Variants in SCN11A observed in about 807,000 individuals in gnomAD.
SCN11A encodes the protein sodium channel protein type 11 subunit alpha.
A neutral mutation model predicts 162.2 loss-of-function variants in SCN11A; 122 were observed. That is an observed-to-expected ratio of 0.75 (90% CI 0.65 to 0.87). SCN11A has a LOEUF of 0.87. SCN11A is among the 40% of genes least tolerant of loss of function. SCN11A has a pLI of 0.00. For synonymous variants in SCN11A, 758 were observed against 751.5 expected, an observed-to-expected ratio of 1.01 and a Z score of -0.14; for missense variants, 2,015 against 2,181.6, an observed-to-expected ratio of 0.92 and a Z score of 1.52.
At chr3:38,876,999 G>T (rs114422568) in intron 23 of SCN11A, among the ~76,000 whole-genome samples, 4,437 of 147,850 alleles carry the variant, frequency 0.03, 202 homozygotes, top group African/African-American at 0.091. Flanking sequence ...TATATATATA[G>T]AGAGAGAAAG....
At chr3:38,880,574 C>T (rs2065292480) in intron 22 of SCN11A, among the ~76,000 whole-genome samples, 1 of 152,102 alleles carries the variant, frequency 6.6e-6, no homozygotes, top group South Asian at 2.1e-4. Context: ...AGTGCCTTAG[C>T]CCGTTCTCTA....
intron 2 of SCN11A, among the ~76,000 whole-genome samples, chr3:38,993,650 T>A (rs1360755698): frequency 6.6e-6 from 1 of 152,156 alleles, no homozygotes; most frequent in Non-Finnish European, 1.5e-5. Context: ...AATCTACACA[T>A]TCAAAGAAAG....
At chr3:38,971,835 A>G (rs185619871) in intron 2 of SCN11A, among the ~76,000 whole-genome samples, 1 of 152,308 alleles carries the variant, frequency 6.6e-6, no homozygotes. Flanking sequence ...TCATGCTTAT[A>G]AAGTAATATT....
chr3:38,870,688 C>T lies in SCN11A; in HGVS notation c.3813+3G>A. 1 of 1,612,722 alleles carries T rather than the reference C, an allele frequency of 6.2e-7. No individual in the cohort carries two copies. The highest frequency in any genetic ancestry group is 8.5e-7 in the Non-Finnish European group (1 of 1,178,810). On this transcript the variant is annotated splice_donor_region_variant and intron_variant, in intron 26 of 29. Transcript: ENST00000302328. Reference sequence around the variant, plus strand: ...TCCAGAACATGGTAGAACACTGACTCACCTCTGTGGAATCAACAGCTGCAT... The same window carrying T: ...TCCAGAACATGGTAGAACACTGACTTACCTCTGTGGAATCAACAGCTGCAT...
intron 6 of SCN11A, 77 bp downstream of exon 6, chr3:38,946,712 C>A (rs1414199847): frequency 2.2e-6 from 2 of 909,182 alleles, no homozygotes; most frequent in Non-Finnish European, 3.5e-6. Context: ...TTGCTTCCAT[C>A]CAATAACATG....
At chr3:38,869,318 G>T (rs2065088949) in intron 26 of SCN11A, among the ~76,000 whole-genome samples, 1 of 152,020 alleles carries the variant, frequency 6.6e-6, no homozygotes, top group African/African-American at 2.4e-5. Flanking sequence ...TAGAGTGAAG[G>T]TCATGTACTC....
intron 2 of SCN11A, among the ~76,000 whole-genome samples, chr3:38,971,146 TTTTC>T (rs904920545): frequency 5.3e-5 from 8 of 151,596 alleles, no homozygotes; most frequent in Non-Finnish European, 8.8e-5. Flanking sequence ...ACATTTTTTC[TTTTC>T]TTTTTCTTGT....
intron 2 of SCN11A, among the ~76,000 whole-genome samples, chr3:39,029,560 T>C (rs1210139738): frequency 1.3e-5 from 2 of 152,210 alleles, no homozygotes; most frequent in Non-Finnish European, 2.9e-5. Flanking sequence ...GAAGAGATGG[T>C]TCAAGGCAAA....
At chr3:38,861,753 G>A (rs1289660125) in intron 28 of SCN11A, among the ~76,000 whole-genome samples, 1 of 152,034 alleles carries the variant, frequency 6.6e-6, no homozygotes, top group Non-Finnish European at 1.5e-5. Context: ...AGATGGATCA[G>A]ACTTAACTCT....
In SCN11A at chr3:38,850,676, G is replaced by C. The variant is rs374026401; in HGVS notation, c.4132C>G (p.Leu1378Val). ...FDIIIISLII[L>V]NMISMMAESY... ...TCAGCCATCATGCTAATCATGTTTA[G>C]GATAATGAGACTTATGATGATGATG... Residue 1378 changes from leucine (L) to valine (V), a missense_variant, in exon 29 of 30, where the codon CTA (leucine) becomes GTA (valine). Coordinates refer to ENST00000302328, the MANE Select transcript of SCN11A (RefSeq NM_001349253.2). 6.2e-7 allele frequency: 1 copy of C among 1,613,594 alleles called. No individual in the cohort carries two copies. The highest frequency in any genetic ancestry group is 8.5e-7 in the Non-Finnish European group (1 of 1,179,616).
At position 38,988,326 on chromosome 3, in the gene SCN11A, A is replaced by G. The variant is rs932245451; in HGVS notation, c.-279-27903T>C. On this transcript the variant is annotated intron_variant, in intron 2 of 29. Coordinates refer to ENST00000302328, the MANE Select transcript of SCN11A (RefSeq NM_001349253.2). ...ACTCTTCCTTCCTTATTTATCACCT[A>G]TCTCTCATTCTCTGAGCCTAGGCAA... 7.2e-5 allele frequency among the ~76,000 whole-genome samples: 11 copies of G among 151,766 alleles called. No individual in the cohort carries two copies. In the South Asian group the frequency reaches 1.7e-3, roughly 23 times the overall value.
At chr3:38,929,131 G>GCGTGCGCGCACA (rs774058202) in intron 7 of SCN11A, among the ~76,000 whole-genome samples, 18 of 37,062 alleles carry the variant, frequency 4.9e-4, no homozygotes, top group Middle Eastern at 0.013. Flanking sequence ...CTGGGTCTGT[G>GCGTGCGCGCACA]CACGCACACA....
intron 2 of SCN11A, among the ~76,000 whole-genome samples, chr3:38,971,160 T>A (rs2066814727): frequency 7.2e-6 from 1 of 138,980 alleles, no homozygotes; most frequent in Non-Finnish European, 1.5e-5. Flanking sequence ...CTTTTTCTTG[T>A]TTTTTTTTTT....
At chr3:39,033,296 A>G (rs907849172) in intron 1 of SCN11A, among the ~76,000 whole-genome samples, 10 of 141,864 alleles carry the variant, frequency 7.0e-5, no homozygotes, top group Non-Finnish European at 1.2e-4. Flanking sequence ...ACTCTTATTT[A>G]CTTTTTATAT....
chr3:38,872,051 T>C, intron 24 of SCN11A, 142 bp downstream of exon 24: 1 of 683,418 alleles, frequency 1.5e-6, no homozygotes, highest in Admixed American at 2.3e-5. Context: ...TCTCTACCCC[T>C]CAAATTCTAA....
At chr3:39,038,936 G>A (rs183817215) in intron 1 of SCN11A, among the ~76,000 whole-genome samples, 223 of 152,204 alleles carry the variant, frequency 1.5e-3, no homozygotes, top group African/African-American at 5.1e-3. Context: ...CTCTACTAGC[G>A]ATTCCATGTT....
At chr3:38,896,444 G>A (rs1377539069) in intron 18 of SCN11A, among the ~76,000 whole-genome samples, 1 of 152,118 alleles carries the variant, frequency 6.6e-6, no homozygotes, top group Non-Finnish European at 1.5e-5. Flanking sequence ...AAAGCCCAGA[G>A]GAAGTAAAAC....
intron 9 of SCN11A, among the ~76,000 whole-genome samples, chr3:38,922,741 A>C (rs1376723976): frequency 6.6e-6 from 1 of 152,240 alleles, no homozygotes; most frequent in Admixed American, 6.5e-5. Context: ...TCTGACTACC[A>C]GTTTCTTTAT....
At chr3:38,930,998 C>T (rs180782412) in intron 7 of SCN11A, among the ~76,000 whole-genome samples, 2 of 152,330 alleles carry the variant, frequency 1.3e-5, no homozygotes, top group East Asian at 3.9e-4. Flanking sequence ...AAGGGCTAGG[C>T]AGAGCAAACC....
Sources: gnomAD v4.1 joint callset for allele counts (sites outside exome capture counted in the v4.1 genomes callset) on GRCh38, gnomAD v4.1.1 for gene constraint, MANE v1.5 for transcripts, NCBI Gene and HGNC (gene_info 2026-07-23, HGNC 2026-07-21) for gene names.